Variants in ZNG1E observed in about 807,000 individuals in gnomAD.
ZNG1E encodes the protein zinc-regulated GTPase metalloprotein activator 1E.
chr9:65,722,497 A>T, the ZNG1E span, among the ~76,000 whole-genome samples: 3 of 75,536 alleles, frequency 4.0e-5, no homozygotes, highest in African/African-American at 1.7e-4. Context: ...GTACAATTCA[A>T]TGTTTGGGTT....
At chr9:65,703,814 A>G in the ZNG1E span, 2,191 of 971,066 alleles carry the variant, frequency 2.3e-3, 218 homozygotes, top group African/African-American at 0.04. Context: ...AGTGTTAGGC[A>G]GTAACAGCAG....
chr9:65,684,273 A>G, the ZNG1E span, among the ~76,000 whole-genome samples: 1 of 151,818 alleles, frequency 6.6e-6, no homozygotes, highest in South Asian at 2.1e-4. Context: ...ATGGTGGCTC[A>G]TGCCTGTAAT....
chr9:65,689,524 C>T, the ZNG1E span, among the ~76,000 whole-genome samples: 3 of 142,282 alleles, frequency 2.1e-5, no homozygotes, highest in Admixed American at 7.3e-5. Context: ...ATACCTACAT[C>T]CAAATTTTAA....
At chr9:65,681,048 T>G in the ZNG1E span, among the ~76,000 whole-genome samples, 1 of 151,942 alleles carries the variant, frequency 6.6e-6, no homozygotes, top group Non-Finnish European at 1.5e-5. Context: ...TTGGCCTCCC[T>G]ATAAGTTTAA....
At chr9:65,727,460 G>C in the ZNG1E span, among the ~76,000 whole-genome samples, 3 of 127,834 alleles carry the variant, frequency 2.3e-5, 1 homozygote, top group African/African-American at 1.0e-4. Context: ...CAGAATTGCA[G>C]AATAGGTAAG....
At chr9:65,665,269 G>A in the ZNG1E span, among the ~76,000 whole-genome samples, 39 of 152,376 alleles carry the variant, frequency 2.6e-4, no homozygotes, top group African/African-American at 5.5e-4. Flanking sequence ...AAGTGGTTTC[G>A]TGGGCTGGGC....
chr9:65,688,071 C>T, the ZNG1E span, among the ~76,000 whole-genome samples: 2 of 151,426 alleles, frequency 1.3e-5, no homozygotes, highest in African/African-American at 2.4e-5. Flanking sequence ...GTGTCTTTTA[C>T]CTTTGCATTT....
At chr9:65,667,155 A>T in the ZNG1E span, among the ~76,000 whole-genome samples, 2 of 152,248 alleles carry the variant, frequency 1.3e-5, no homozygotes, top group Non-Finnish European at 2.9e-5. Flanking sequence ...TGAATAGCTA[A>T]GCTATACTTT....
chr9:65,672,273 T>A, the ZNG1E span, among the ~76,000 whole-genome samples: 1 of 151,714 alleles, frequency 6.6e-6, no homozygotes, highest in African/African-American at 2.4e-5. Flanking sequence ...CTATTGTTGT[T>A]GTTGTTGTTT....
the ZNG1E span, chr9:65,707,873 T>C: frequency 7.0e-6 from 1 of 143,192 alleles, no homozygotes; most frequent in Admixed American, 6.9e-5. Context: ...TTTTTTTTTT[T>C]TCTTTTGAGG....
chr9:65,698,970 T>A, the ZNG1E span, among the ~76,000 whole-genome samples: 160 of 145,496 alleles, frequency 1.1e-3, no homozygotes, highest in African/African-American at 3.6e-3. Context: ...CACTGCAACC[T>A]CTGCCTCCCA....
the ZNG1E span, among the ~76,000 whole-genome samples, chr9:65,695,583 A>AT: frequency 9.9e-6 from 1 of 100,768 alleles, no homozygotes; most frequent in Non-Finnish European, 1.9e-5. Flanking sequence ...ATCACCTCAC[A>AT]TTGCTATTTT....
At chr9:65,691,473 A>G in the ZNG1E span, among the ~76,000 whole-genome samples, 2 of 152,118 alleles carry the variant, frequency 1.3e-5, no homozygotes, top group Non-Finnish European at 2.9e-5. Flanking sequence ...TTCTTTTCAC[A>G]CTTTAGTTTA....
the ZNG1E span, among the ~76,000 whole-genome samples, chr9:65,677,554 T>G: frequency 6.6e-6 from 1 of 152,288 alleles, no homozygotes; most frequent in Non-Finnish European, 1.5e-5. Context: ...GCTTCTGTGA[T>G]CCCAACCATT....
chr9:65,715,294 G>T, the ZNG1E span, among the ~76,000 whole-genome samples: 275 of 150,294 alleles, frequency 1.8e-3, 2 homozygotes, highest in African/African-American at 6.4e-3. Flanking sequence ...TGCGCCCACT[G>T]TCTGGCACTC....
the ZNG1E span, among the ~76,000 whole-genome samples, chr9:65,678,549 AAGAT>A: frequency 1.4e-5 from 2 of 147,858 alleles, no homozygotes; most frequent in East Asian, 3.9e-4. Flanking sequence ...AAAAAAAAAA[AAGAT>A]AAAGAAATGA....
chr9:65,687,653 T>C, the ZNG1E span, among the ~76,000 whole-genome samples: 1 of 150,528 alleles, frequency 6.6e-6, no homozygotes, highest in African/African-American at 2.4e-5. Flanking sequence ...CTTGAGAATG[T>C]CTGTCTATTG....
the ZNG1E span, chr9:65,708,508 G>A: frequency 3.9e-6 from 1 of 258,044 alleles, no homozygotes; most frequent in Non-Finnish European, 7.3e-6. Context: ...CAAGGGAGGG[G>A]GTATAAAAGA....
the ZNG1E span, among the ~76,000 whole-genome samples, chr9:65,685,027 A>C: frequency 1.3e-5 from 2 of 149,194 alleles, no homozygotes; most frequent in South Asian, 4.3e-4. Context: ...GGATGACAGC[A>C]TGAGACCCCA....
Sources: allele counts gnomAD v4.1 joint callset (sites outside exome capture counted in the v4.1 genomes callset), GRCh38; gene constraint gnomAD v4.1.1; transcripts MANE v1.5; gene names NCBI Gene and HGNC (gene_info 2026-07-23, HGNC 2026-07-21).